Variants in EXOC6B observed in about 807,000 individuals in gnomAD.
The protein encoded by EXOC6B is SEC15 homolog B.
Under a neutral mutation model 113.5 loss-of-function variants are expected in EXOC6B, and 54 were observed. The ratio of observed to expected loss-of-function variants is 0.48; its 90% CI spans 0.38 to 0.60. The LOEUF (loss-of-function observed/expected upper bound fraction) is 0.60. EXOC6B is among the 20% of genes least tolerant of loss of function. EXOC6B has a pLI of 0.00. For synonymous variants in EXOC6B, 357 were observed against 339.0 expected, an observed-to-expected ratio of 1.05 and a Z score of -0.58; for missense variants, 797 against 977.5, an observed-to-expected ratio of 0.82 and a Z score of 2.46.
intron 20 of EXOC6B, among the ~76,000 whole-genome samples, chr2:72,272,399 C>T (rs1684548391): frequency 6.6e-6 from 1 of 152,064 alleles, no homozygotes; most frequent in African/African-American, 2.4e-5. Flanking sequence ...TCAGCAAATC[C>T]TGTGATCACT....
At chr2:72,644,005 A>C (rs1052824953) in intron 6 of EXOC6B, among the ~76,000 whole-genome samples, 9 of 152,100 alleles carry the variant, frequency 5.9e-5, no homozygotes, top group Non-Finnish European at 1.0e-4. Flanking sequence ...CTTCAAGCTA[A>C]AGAAGGATGT....
chr2:72,468,567 A>G (rs1698205329), intron 17 of EXOC6B, among the ~76,000 whole-genome samples: 2 of 152,196 alleles, frequency 1.3e-5, no homozygotes, highest in Admixed American at 1.3e-4. Context: ...TTTTGAAGTC[A>G]GGTAGACTGA....
chr2:72,184,166 A>G lies in EXOC6B; in HGVS notation c.2218T>C (p.Trp740Arg). The G allele has an allele frequency of 2.6e-6, 4 of 1,554,872 alleles. No individual in the cohort carries two copies. The highest frequency in any genetic ancestry group is 3.5e-6 in the Non-Finnish European group (4 of 1,147,962). ...LRQLLDLFIQ[W>R]DWSTYLADYG... ...TCAGCAAGGTAGGTTGACCAATCCC[A>G]CTGGATGAAAAGATCCAAAAGCTGT... Residue 740 changes from tryptophan (W) to arginine (R), a missense_variant, in exon 21 of 22, where the codon TGG (tryptophan) becomes CGG (arginine). Transcript: ENST00000272427.
chr2:72,514,574 T>A (rs1340554740), intron 10 of EXOC6B, 60 bp downstream of exon 10: 1 of 268,862 alleles, frequency 3.7e-6, no homozygotes, highest in Admixed American at 7.2e-5. Flanking sequence ...GAGTATAAAT[T>A]TCAATAAATA....
chr2:72,773,146 AGACAGGGTCTCACTCTGTT>A (rs1226138733), intron 1 of EXOC6B, among the ~76,000 whole-genome samples: 1 of 79,978 alleles, frequency 1.3e-5, no homozygotes, highest in Non-Finnish European at 2.1e-5. Flanking sequence ...TTTTTTTGTG[AGACAGGGTCTCACTCTGTT>A]GCCCAGGCTG....
At chr2:72,381,257 T>C (rs1691661528) in intron 18 of EXOC6B, among the ~76,000 whole-genome samples, 2 of 152,238 alleles carry the variant, frequency 1.3e-5, no homozygotes, top group Admixed American at 6.5e-5. Context: ...TATGAAGATT[T>C]TGAAGTGTAT....
At chr2:72,265,643 C>T (rs1684026465) in intron 20 of EXOC6B, among the ~76,000 whole-genome samples, 2 of 151,350 alleles carry the variant, frequency 1.3e-5, no homozygotes, top group South Asian at 4.2e-4. Context: ...TTTCTTAATC[C>T]AGTCTATCAT....
chr2:72,541,758 CTT>C (rs1012895764), intron 8 of EXOC6B, among the ~76,000 whole-genome samples: 3 of 152,086 alleles, frequency 2.0e-5, no homozygotes, highest in African/African-American at 7.2e-5. Context: ...AGAAATGTTT[CTT>C]TATGATTTAG....
chr2:72,289,305 A>G (rs371724655), intron 20 of EXOC6B, among the ~76,000 whole-genome samples: 3 of 152,214 alleles, frequency 2.0e-5, no homozygotes, highest in Admixed American at 1.3e-4. Flanking sequence ...AAATGCATGA[A>G]GCCATATAAT....
intron 1 of EXOC6B, among the ~76,000 whole-genome samples, chr2:72,811,349 C>T (rs998406256): frequency 3.9e-5 from 6 of 152,102 alleles, no homozygotes; most frequent in African/African-American, 7.2e-5. Context: ...AATTTAACAA[C>T]TTAAATGAAA....
intron 18 of EXOC6B, among the ~76,000 whole-genome samples, chr2:72,407,825 C>T (rs927775445): frequency 1.3e-5 from 2 of 152,208 alleles, no homozygotes; most frequent in African/African-American, 4.8e-5. Context: ...TGCCCTCTCT[C>T]ACCACTCCTG....
At chr2:72,639,886 T>A (rs183996506) in intron 6 of EXOC6B, among the ~76,000 whole-genome samples, 25 of 152,142 alleles carry the variant, frequency 1.6e-4, no homozygotes, top group African/African-American at 5.5e-4. Context: ...AGCTCAAGGA[T>A]TAAAGGAAGA....
At chr2:72,820,745 A>G (rs1243724350) in intron 1 of EXOC6B, among the ~76,000 whole-genome samples, 1 of 152,130 alleles carries the variant, frequency 6.6e-6, no homozygotes. Context: ...AAATAAAAAA[A>G]GCAGTCAACA....
At chr2:72,432,756 C>T (rs1695615990) in intron 18 of EXOC6B, among the ~76,000 whole-genome samples, 1 of 152,160 alleles carries the variant, frequency 6.6e-6, no homozygotes, top group Non-Finnish European at 1.5e-5. Context: ...CCTTCACCCA[C>T]ATTTTGATGG....
intron 8 of EXOC6B, among the ~76,000 whole-genome samples, chr2:72,543,876 G>A (rs1162567141): frequency 2.0e-5 from 3 of 152,180 alleles, no homozygotes; most frequent in Admixed American, 6.5e-5. Flanking sequence ...AACCTGTTAA[G>A]TGTCAGAGAC....
At chr2:72,243,094 C>A (rs572908230) in intron 20 of EXOC6B, among the ~76,000 whole-genome samples, 1 of 152,000 alleles carries the variant, frequency 6.6e-6, no homozygotes, top group African/African-American at 2.4e-5. Context: ...TAAGGACATA[C>A]CCGAGACTGG....
intron 18 of EXOC6B, among the ~76,000 whole-genome samples, chr2:72,458,609 T>A (rs1697399686): frequency 6.6e-6 from 1 of 152,082 alleles, no homozygotes; most frequent in African/African-American, 2.4e-5. Flanking sequence ...AGTGGTAGAA[T>A]CAACTCTATC....
chr2:72,307,297 G>T (rs927824063), intron 20 of EXOC6B, among the ~76,000 whole-genome samples: 1 of 151,880 alleles, frequency 6.6e-6, no homozygotes, highest in Non-Finnish European at 1.5e-5. Flanking sequence ...GCACTACCAC[G>T]TCCGGCTATT....
chr2:72,747,609 GAAAGTATCCTA>G (rs1307521919), intron 1 of EXOC6B, among the ~76,000 whole-genome samples: 2 of 151,984 alleles, frequency 1.3e-5, no homozygotes, highest in Admixed American at 1.3e-4. Flanking sequence ...ACTTGCAAAG[GAAAGTATCCTA>G]AATGATGCAA....
Sources: allele counts gnomAD v4.1 joint callset (sites outside exome capture counted in the v4.1 genomes callset), GRCh38; gene constraint gnomAD v4.1.1; transcripts MANE v1.5; gene names NCBI Gene and HGNC (gene_info 2026-07-23, HGNC 2026-07-21).